The following NOTCH2NLC variants were observed in gnomAD, a reference collection of about 807,000 sequenced individuals.
The protein encoded by NOTCH2NLC is notch 2 N-terminal like C.
A neutral mutation model predicts 17.7 loss-of-function variants in NOTCH2NLC; 4 were observed. The observed-to-expected ratio is 0.23, with a 90% confidence interval of 0.11 to 0.52. The LOEUF (loss-of-function observed/expected upper bound fraction) is 0.52, where lower values mean the gene tolerates loss of function less well. Among genes scored for constraint, NOTCH2NLC ranks in the 20% least tolerant of loss-of-function variants. The pLI, the probability that NOTCH2NLC is intolerant of heterozygous loss-of-function variation, is 0.96. For missense variants in NOTCH2NLC, 57 were observed against 207.2 expected, an observed-to-expected ratio of 0.28 and a Z score of 4.45; for synonymous variants, 18 against 86.0, an observed-to-expected ratio of 0.21 and a Z score of 4.38.
intron 1 of NOTCH2NLC, among the ~76,000 whole-genome samples, chr1:149,416,527 G>A (rs1366164535): frequency 1.1e-5 from 1 of 89,214 alleles, no homozygotes; most frequent in Non-Finnish European, 2.2e-5. Context: ...ATGATGATGG[G>A]TTACCTACTT....
Position 149,445,799 on chromosome 1 carries a change from G to A in NOTCH2NLC, c.210-9519G>A, listed in dbSNP as rs2084548551. ...TAGTTTTTTTAAAAATCATGACTTT[G>A]AAATAGCTGTTTTGTAAAGCATGCC... On this transcript the variant is annotated intron_variant, in intron 2 of 4. Coordinates refer to ENST00000650865, the MANE Select transcript of NOTCH2NLC (RefSeq NM_001364013.2). Among the ~76,000 whole-genome samples the A allele has an allele frequency of 1.4e-5, 2 of 147,024 alleles. 1 individual carries two copies. Among genetic ancestry groups the A allele is most frequent in the Non-Finnish European group, 3.0e-5 (2 of 66,782 alleles).
At position 149,464,491 on chromosome 1, in the gene NOTCH2NLC, T is replaced by C. The variant is rs1312667155; in HGVS notation, c.*338T>C. The C allele has an allele frequency of 5.3e-6, 1 of 188,320 alleles. No homozygotes were observed. The highest frequency in any genetic ancestry group is 2.4e-5 in the African/African-American group (1 of 41,626). 11.7% of individuals were successfully genotyped at this position (188,320 alleles called of 1,614,324 possible). A position where few individuals can be genotyped will look rare whatever the true frequency, so the allele number is the denominator to read the frequency against. ...AGAGACTATGCGTGGCACAATACTTTGTTACACTCTTCACTGATACAAGTG... is the reference window on the plus strand; with the variant it reads ...AGAGACTATGCGTGGCACAATACTTCGTTACACTCTTCACTGATACAAGTG... On this transcript the variant is annotated 3_prime_UTR_variant, in exon 5 of 5. Coordinates refer to ENST00000650865, the MANE Select transcript of NOTCH2NLC (RefSeq NM_001364013.2).
intron 1 of NOTCH2NLC, among the ~76,000 whole-genome samples, chr1:149,418,054 A>C (rs2101477667): frequency 7.0e-6 from 1 of 141,898 alleles, no homozygotes; most frequent in East Asian, 2.2e-4. Context: ...GGCACACACA[A>C]AAACTCACTG....
rs1324483501 is a variant in NOTCH2NLC, at chr1:149,460,245, T to A, written c.470-3246T>A. Among the ~76,000 whole-genome samples the A allele has an allele frequency of 6.4e-4, 96 of 149,348 alleles. 3 individuals are homozygous for A. Among genetic ancestry groups the A allele is most frequent in the African/African-American group, 2.3e-3 (92 of 40,748 alleles). Reference sequence around the variant, plus strand: ...TTCTGGCTAGTGGAAATGACAGTAATGCCTTCTTCATAATTAAAATGTCAC... The same window carrying A: ...TTCTGGCTAGTGGAAATGACAGTAAAGCCTTCTTCATAATTAAAATGTCAC... On this transcript the variant is annotated intron_variant, in intron 3 of 4. Coordinates refer to ENST00000650865, the MANE Select transcript of NOTCH2NLC (RefSeq NM_001364013.2).
chr1:149,444,912 C>T (rs1339352764), intron 2 of NOTCH2NLC, among the ~76,000 whole-genome samples: 2 of 149,544 alleles, frequency 1.3e-5, no homozygotes, highest in African/African-American at 4.9e-5. Flanking sequence ...TTTGTTTTTC[C>T]TTCTTGCTGA....
chr1:149,399,980 T>C (rs2084233587), intron 1 of NOTCH2NLC, among the ~76,000 whole-genome samples: 1 of 149,834 alleles, frequency 6.7e-6, no homozygotes, highest in South Asian at 2.1e-4. Context: ...TAATTATGTT[T>C]GAAAAAGTAG....
At chr1:149,419,860 T>A (rs1202329819) in intron 1 of NOTCH2NLC, among the ~76,000 whole-genome samples, 6 of 117,012 alleles carry the variant, frequency 5.1e-5, no homozygotes, top group African/African-American at 1.6e-4. Flanking sequence ...TATATATTTT[T>A]TTTTTTTTTT....
Position 149,390,764 on chromosome 1 carries a change from C to T in NOTCH2NLC, c.-24C>T. On this transcript the variant is annotated 5_prime_UTR_variant, in exon 1 of 5. Transcript: ENST00000650865. The stretch of plus-strand genomic sequence containing the variant: ...AGGAGGAGGGGAGGAGAGAGTGGGG[C>T]TCCTCTATCGGGACCCCCTCCCCAT... 2.4e-6 allele frequency: 3 copies of T among 1,233,984 alleles called. No individual in the cohort carries two copies. The highest frequency in any genetic ancestry group is 3.0e-6 in the Non-Finnish European group (3 of 991,728). 76.4% of individuals were successfully genotyped at this position (1,233,984 alleles called of 1,614,324 possible). A position where few individuals can be genotyped will look rare whatever the true frequency, so the allele number is the denominator to read the frequency against.
intron 1 of NOTCH2NLC, among the ~76,000 whole-genome samples, chr1:149,394,293 CA>C (rs1321728069): frequency 6.7e-6 from 1 of 149,064 alleles, no homozygotes; most frequent in Non-Finnish European, 1.5e-5. Context: ...TGATTAAGTA[CA>C]TTTTTTTTTA....
chr1:149,421,662 CTT>C (rs2084380559), intron 1 of NOTCH2NLC, among the ~76,000 whole-genome samples: 1 of 98,824 alleles, frequency 1.0e-5, no homozygotes. Context: ...TTCATATTCA[CTT>C]TCTTTGACCA....
intron 1 of NOTCH2NLC, among the ~76,000 whole-genome samples, chr1:149,402,230 C>T (rs1312999136): frequency 1.3e-5 from 2 of 150,524 alleles, no homozygotes; most frequent in Non-Finnish European, 3.0e-5. Context: ...CAGGCATGCA[C>T]CACAACGCCT....
chr1:149,444,971 G>A (rs1289127834), intron 2 of NOTCH2NLC, among the ~76,000 whole-genome samples: 3 of 149,796 alleles, frequency 2.0e-5, no homozygotes, highest in African/African-American at 7.4e-5. Flanking sequence ...AGAAAAGGGG[G>A]GGTTGAGAGT....
At position 149,466,198 on chromosome 1, in the gene NOTCH2NLC, ACCAAGACACT is replaced by A. The variant is rs2084681905; in HGVS notation, c.*2048_*2057del. ...AAATATATGTTCATGTTATAAGAAA[ACCAAGACACT>A]CCTAATTATAATCAAATAGTACTTG... is the stretch of plus-strand genomic sequence containing the variant. On this transcript the variant is annotated 3_prime_UTR_variant, in exon 5 of 5. Coordinates refer to ENST00000650865, the MANE Select transcript of NOTCH2NLC (RefSeq NM_001364013.2). The A allele has an allele frequency of 7.3e-6, 1 of 136,790 alleles. No individual in the cohort carries two copies. The highest frequency in any genetic ancestry group is 2.2e-4 in the East Asian group (1 of 4,578). The allele number at this position is 136,790 out of a possible 1,614,324, so 8.5% of individuals were successfully genotyped here. A position where few individuals can be genotyped will look rare whatever the true frequency, so the allele number is the denominator to read the frequency against.
intron 1 of NOTCH2NLC, among the ~76,000 whole-genome samples, chr1:149,392,915 C>CA (rs2084181099): frequency 6.7e-6 from 1 of 149,706 alleles, no homozygotes; most frequent in East Asian, 2.0e-4. Flanking sequence ...ACTAAAAATA[C>CA]AAAAAATTAG....
chr1:149,417,097 C>CTTT lies in NOTCH2NLC; in HGVS notation c.136-13817_136-13815dup, dbSNP rs1171555647. Among the ~76,000 whole-genome samples, 315 of 69,606 alleles carry CTTT rather than the reference C, an allele frequency of 4.5e-3. 30 individuals are homozygous for CTTT. The highest frequency in any genetic ancestry group is 6.9e-3 in the Non-Finnish European group (242 of 34,960). The allele number at this position is 69,606 out of a possible 152,430, so 45.7% of individuals were successfully genotyped here. On this transcript the variant is annotated intron_variant, in intron 1 of 4. Coordinates refer to ENST00000650865, the MANE Select transcript of NOTCH2NLC (RefSeq NM_001364013.2). Reference sequence around the variant, plus strand: ...AGATTATGGTGGATATCAGGTTTTCCTTTTTTTTTTTTTTTTTTTTTTTTT... The same window carrying CTTT: ...AGATTATGGTGGATATCAGGTTTTCCTTTTTTTTTTTTTTTTTTTTTTTTTTTT...
At chr1:149,391,034 G>T in intron 1 of NOTCH2NLC, 112 bp downstream of exon 1, 1 of 934,250 alleles carries the variant, frequency 1.1e-6, no homozygotes, top group South Asian at 2.9e-5. Context: ...GGCCGCCGGC[G>T]CGGAGCGAGG....
In NOTCH2NLC at chr1:149,390,663, G is replaced by A. The variant is rs1182568971; in HGVS notation, c.-125G>A. The A allele has an allele frequency of 1.5e-5, 18 of 1,211,284 alleles. No homozygotes were observed. In the East Asian group the frequency reaches 2.8e-4, roughly 19 times the overall value. The allele number at this position is 1,211,284 out of a possible 1,614,324, so 75.0% of individuals were successfully genotyped here. ...GCTGAGGCGGCGGCCGAGGAGCGGCGGACTCGGGGCGCGGGGAGTCGAGGC... is the reference window on the plus strand; with the variant it reads ...GCTGAGGCGGCGGCCGAGGAGCGGCAGACTCGGGGCGCGGGGAGTCGAGGC... On this transcript the variant is annotated 5_prime_UTR_variant, in exon 1 of 5. Transcript: ENST00000650865.
chr1:149,460,863 CTTTCTTTCTTTCTT>C (rs1428226737), intron 3 of NOTCH2NLC, among the ~76,000 whole-genome samples: 1 of 2,850 alleles, frequency 3.5e-4, no homozygotes, highest in Non-Finnish European at 8.7e-4. Context: ...CCCTTTCTTT[CTTTCTTTCTTTCTT>C]TCTTTCTTTC....
chr1:149,433,959 A>G (rs1431793719), intron 2 of NOTCH2NLC, among the ~76,000 whole-genome samples: 2 of 147,916 alleles, frequency 1.4e-5, no homozygotes, highest in African/African-American at 2.5e-5. Context: ...AAAAAAAAAA[A>G]AAAAGAAAAT....
Sources: gnomAD v4.1 joint callset for allele counts (sites outside exome capture counted in the v4.1 genomes callset) on GRCh38, gnomAD v4.1.1 for gene constraint, MANE v1.5 for transcripts, NCBI Gene and HGNC (gene_info 2026-07-23, HGNC 2026-07-21) for gene names.